Variants in LRP1B observed in about 807,000 individuals in gnomAD.
LRP1B encodes the protein low-density lipoprotein receptor-related protein 1B.
A neutral mutation model predicts 556.6 loss-of-function variants in LRP1B; 217 were observed. The observed-to-expected ratio is 0.39, with a 90% CI of 0.35 to 0.44. The LOEUF (loss-of-function observed/expected upper bound fraction) is 0.44, where lower values mean the gene tolerates loss of function less well. Ranked by LOEUF, LRP1B falls within the 20% of genes least tolerant of loss-of-function variation. The pLI is 1.00. For synonymous variants in LRP1B, 2,047 were observed against 1,865.8 expected, an observed-to-expected ratio of 1.10 and a Z score of -2.50; for missense variants, 5,053 against 5,620.8, an observed-to-expected ratio of 0.90 and a Z score of 3.23.
chr2:141,611,553 G>C (rs561702746), intron 2 of LRP1B, among the ~76,000 whole-genome samples: 1 of 152,278 alleles, frequency 6.6e-6, no homozygotes, highest in South Asian at 2.1e-4. Context: ...AGTACAAAAG[G>C]AGAGGGATTT....
At chr2:142,037,321 G>C (rs1331213787) in intron 1 of LRP1B, among the ~76,000 whole-genome samples, 1 of 151,542 alleles carries the variant, frequency 6.6e-6, no homozygotes, top group Non-Finnish European at 1.5e-5. Flanking sequence ...GAGTCACAAA[G>C]ACAGAACACC....
At chr2:142,076,784 T>C (rs1163248024) in intron 1 of LRP1B, among the ~76,000 whole-genome samples, 1 of 152,110 alleles carries the variant, frequency 6.6e-6, no homozygotes, top group Non-Finnish European at 1.5e-5. Flanking sequence ...TTAATATTTA[T>C]AATCATACTC....
chr2:141,146,738 A>C (rs1701793152), intron 7 of LRP1B, among the ~76,000 whole-genome samples: 1 of 152,222 alleles, frequency 6.6e-6, no homozygotes, highest in Admixed American at 6.5e-5. Flanking sequence ...ATTAACGCAT[A>C]GAAGATACTT....
chr2:140,577,683 C>T (rs1413544612), intron 43 of LRP1B, among the ~76,000 whole-genome samples: 2 of 152,074 alleles, frequency 1.3e-5, no homozygotes, highest in Non-Finnish European at 2.9e-5. Context: ...CCCAGCCTCC[C>T]AAAGTGCTGA....
At chr2:141,820,944 T>A (rs1367151502) in intron 1 of LRP1B, among the ~76,000 whole-genome samples, 2 of 152,184 alleles carry the variant, frequency 1.3e-5, no homozygotes, top group Non-Finnish European at 2.9e-5. Flanking sequence ...AAGTGAAGGA[T>A]CCTGAGGTGG....
chr2:142,080,646 T>C (rs1405750216), intron 1 of LRP1B, among the ~76,000 whole-genome samples: 1 of 152,184 alleles, frequency 6.6e-6, no homozygotes, highest in African/African-American at 2.4e-5. Flanking sequence ...TCCTCTGCAA[T>C]AGCAATTTCC....
chr2:140,443,233 G>A (rs754099410), intron 65 of LRP1B, among the ~76,000 whole-genome samples: 72 of 152,134 alleles, frequency 4.7e-4, no homozygotes, highest in Non-Finnish European at 6.6e-4. Context: ...GCTAATTTTT[G>A]TATTTTTATT....
intron 11 of LRP1B, among the ~76,000 whole-genome samples, chr2:141,032,826 C>CATATATATATATATATATATATAT (rs71391641): frequency 0.046 from 5,803 of 125,624 alleles, 193 homozygotes; most frequent in East Asian, 0.081. Context: ...TATATACATA[C>CATATATATATATATATATATATAT]ATATATATAT....
chr2:141,698,160 G>A (rs887980163), intron 2 of LRP1B, among the ~76,000 whole-genome samples: 1 of 151,770 alleles, frequency 6.6e-6, no homozygotes, highest in African/African-American at 2.4e-5. Flanking sequence ...TTTTGGCGGT[G>A]GAGGGTGGCG....
chr2:141,173,519 A>G (rs1157893245), intron 7 of LRP1B, among the ~76,000 whole-genome samples: 3 of 152,090 alleles, frequency 2.0e-5, no homozygotes, highest in South Asian at 2.1e-4. Flanking sequence ...CTCAGCAACT[A>G]TCAGTGCTCT....
chr2:141,087,227 G>A (rs1034570676), intron 7 of LRP1B, among the ~76,000 whole-genome samples: 13 of 151,932 alleles, frequency 8.6e-5, no homozygotes, highest in African/African-American at 2.7e-4. Context: ...GTACTAGGAT[G>A]ATGTTCATTC....
chr2:141,595,014 ATATT>A (rs1437628664), intron 2 of LRP1B, among the ~76,000 whole-genome samples: 3 of 152,062 alleles, frequency 2.0e-5, no homozygotes, highest in Admixed American at 6.6e-5. Context: ...TCCCCTTTTT[ATATT>A]AAGTATTTTA....
intron 2 of LRP1B, among the ~76,000 whole-genome samples, chr2:141,616,321 A>G (rs1291563870): frequency 6.6e-6 from 1 of 151,948 alleles, no homozygotes; most frequent in East Asian, 1.9e-4. Flanking sequence ...GCTATATAAA[A>G]TGACATAAAC....
At chr2:141,372,861 C>T (rs1212711793) in intron 3 of LRP1B, among the ~76,000 whole-genome samples, 1 of 152,020 alleles carries the variant, frequency 6.6e-6, no homozygotes, top group African/African-American at 2.4e-5. Flanking sequence ...GGGTGCCTCT[C>T]TTTAATTCTC....
At chr2:141,637,964 G>A (rs973231117) in intron 2 of LRP1B, among the ~76,000 whole-genome samples, 2 of 152,108 alleles carry the variant, frequency 1.3e-5, no homozygotes, top group Non-Finnish European at 2.9e-5. Flanking sequence ...TCTTTAAAAG[G>A]CAGGGGCAGG....
At chr2:141,016,295 A>G (rs1422714919) in intron 12 of LRP1B, among the ~76,000 whole-genome samples, 1 of 152,110 alleles carries the variant, frequency 6.6e-6, no homozygotes, top group African/African-American at 2.4e-5. Context: ...TATATAATCA[A>G]TTATGTGATT....
At chr2:140,378,520 C>T (rs377412156) in intron 67 of LRP1B, among the ~76,000 whole-genome samples, 48 of 152,022 alleles carry the variant, frequency 3.2e-4, no homozygotes, top group African/African-American at 1.0e-3. Context: ...CAAGTTGGAA[C>T]GTAGGACAAA....
chr2:142,061,720 ATCT>A (rs1325441422), intron 1 of LRP1B, among the ~76,000 whole-genome samples: 1 of 152,020 alleles, frequency 6.6e-6, no homozygotes, highest in Non-Finnish European at 1.5e-5. Flanking sequence ...TTGATAATAT[ATCT>A]TCTTTAGTGT....
intron 7 of LRP1B, among the ~76,000 whole-genome samples, chr2:141,161,465 A>G (rs2105112582): frequency 6.6e-6 from 1 of 152,312 alleles, no homozygotes; most frequent in East Asian, 1.9e-4. Flanking sequence ...AGATAATATC[A>G]GAAATAATGA....
Sources: allele counts gnomAD v4.1 joint callset (sites outside exome capture counted in the v4.1 genomes callset), GRCh38; gene constraint gnomAD v4.1.1; transcripts MANE v1.5; gene names NCBI Gene and HGNC (gene_info 2026-07-23, HGNC 2026-07-21).